The following YAE1 variants were observed in gnomAD, a reference collection of about 807,000 sequenced individuals.
The protein encoded by YAE1 is YAE1 maturation factor of ABCE1.
Under a neutral mutation model 23.0 loss-of-function variants are expected in YAE1, and 22 were observed. That is an observed-to-expected ratio of 0.96 (90% CI 0.68 to 1.37). The LOEUF (loss-of-function observed/expected upper bound fraction) is 1.37. Ranked by LOEUF, YAE1 falls within the 40% of genes most tolerant of loss-of-function variation. The pLI is 0.00. For synonymous variants in YAE1, 101 were observed against 97.0 expected (o/e 1.04, Z -0.24); for missense variants, 260 against 262.1 (o/e 0.99, Z 0.06).
In YAE1 at chr7:39,590,471, A is replaced by G. The variant is rs569682180; in HGVS notation, c.252-19146A>G. The stretch of plus-strand genomic sequence containing the variant: ...ATAAACCCACATCTGCCTGACTCCA[A>G]TGCTGTTGAGTATCACTTATCCAAA... On this transcript the variant is annotated intron_variant, in intron 2 of 2. Coordinates refer to the YAE1 transcript ENST00000432096. Among the ~76,000 whole-genome samples, 7 of 152,340 alleles carry G rather than the reference A, an allele frequency of 4.6e-5. No homozygotes were observed. The South Asian group carries it at 1.2e-3, about 27-fold the overall frequency.
intron 2 of YAE1, among the ~76,000 whole-genome samples, chr7:39,599,244 GTAA>G (rs796519684): frequency 6.7e-6 from 1 of 149,068 alleles, no homozygotes; most frequent in African/African-American, 2.6e-5. Context: ...TCTCAAAAAA[GTAA>G]TAATAATAAA....
At chr7:39,576,557 G>T (rs1310320613), downstream of YAE1, among the ~76,000 whole-genome samples, 1 of 152,128 alleles carries the variant, frequency 6.6e-6, no homozygotes, top group Non-Finnish European at 1.5e-5. Context: ...ACTCATTGCT[G>T]ACTCTTCTGC....
chr7:39,607,459 GT>G (rs35960514), intron 2 of YAE1, among the ~76,000 whole-genome samples: 14,045 of 152,176 alleles, frequency 0.092, 1,657 homozygotes, highest in African/African-American at 0.27. Context: ...GGATTTGAAA[GT>G]GAAGGAAGGA....
intron 2 of YAE1, among the ~76,000 whole-genome samples, chr7:39,594,336 T>C (rs887932651): frequency 6.6e-6 from 1 of 152,202 alleles, no homozygotes; most frequent in Non-Finnish European, 1.5e-5. Flanking sequence ...TCTTAATACA[T>C]AACCTGTATG....
downstream of YAE1, among the ~76,000 whole-genome samples, chr7:39,576,819 C>A (rs1198761739): frequency 6.6e-6 from 1 of 152,150 alleles, no homozygotes; most frequent in African/African-American, 2.4e-5. Context: ...ATCTACTAGC[C>A]AACATGGAAA....
At chr7:39,599,415 G>A (rs1489924155) in intron 2 of YAE1, among the ~76,000 whole-genome samples, 5 of 151,694 alleles carry the variant, frequency 3.3e-5, no homozygotes, top group Non-Finnish European at 7.4e-5. Context: ...TCGCTCTGTT[G>A]CCCAGGCTGG....
At chr7:39,593,746 A>C (rs750871301) in intron 2 of YAE1, among the ~76,000 whole-genome samples, 5 of 152,182 alleles carry the variant, frequency 3.3e-5, no homozygotes, top group Non-Finnish European at 5.9e-5. Flanking sequence ...GGCATGAGCC[A>C]CCGCATCCAG....
At chr7:39,566,660 C>G (rs1790473923) in intron 1 of YAE1, 113 bp downstream of exon 1, 4 of 1,442,360 alleles carry the variant, frequency 2.8e-6, no homozygotes, top group Admixed American at 4.7e-5. Context: ...CTCTTTATCC[C>G]TAGGGACCCG....
intron 2 of YAE1, among the ~76,000 whole-genome samples, chr7:39,605,521 C>T (rs987694897): frequency 2.0e-5 from 3 of 152,194 alleles, no homozygotes; most frequent in African/African-American, 7.2e-5. Flanking sequence ...ATTAATCTTT[C>T]CCTCTTCCAG....
In YAE1 at chr7:39,572,867, G is replaced by T; in HGVS notation, c.*161G>T. 7.6e-7 allele frequency: 1 copy of T among 1,313,618 alleles called. No homozygotes were observed. Among genetic ancestry groups the T allele is most frequent in the African/African-American group, 1.5e-5 (1 of 67,342 alleles). The allele number at this position is 1,313,618 out of a possible 1,614,324, so 81.4% of individuals were successfully genotyped here. On this transcript the variant is annotated 3_prime_UTR_variant, in exon 3 of 3. Transcript: ENST00000223273. ...GTCTTCAAAATTAACACTATTAAAT[G>T]TAATATAAGCCTTTTTTCTTTGTCA...
chr7:39,586,105 A>AAT (rs1364615447), intron 2 of YAE1, among the ~76,000 whole-genome samples: 2 of 152,126 alleles, frequency 1.3e-5, no homozygotes, highest in African/African-American at 2.4e-5. Context: ...ATCTCAAAGA[A>AAT]ATATATATAT....
At chr7:39,575,575 A>AGAGAGAGAGAGAGT (rs1339594299), downstream of YAE1, among the ~76,000 whole-genome samples, 43 of 81,750 alleles carry the variant, frequency 5.3e-4, no homozygotes, top group African/African-American at 2.9e-3. Flanking sequence ...AGAGAGAGAG[A>AGAGAGAGAGAGAGT]GAGTGAGTGT....
intron 1 of YAE1, chr7:39,570,101 A>T: frequency 9.6e-7 from 1 of 1,044,252 alleles, no homozygotes; most frequent in Non-Finnish European, 1.5e-6. Flanking sequence ...GTCTGTGATG[A>T]TGCGTACGTT....
chr7:39,602,596 C>T (rs753978016), intron 2 of YAE1, among the ~76,000 whole-genome samples: 1 of 152,344 alleles, frequency 6.6e-6, no homozygotes, highest in Non-Finnish European at 1.5e-5. Context: ...AGAATGACTA[C>T]AGCTGCTTCA....
intron 2 of YAE1, among the ~76,000 whole-genome samples, chr7:39,599,563 CG>C (rs1252055775): frequency 6.6e-6 from 1 of 151,668 alleles, no homozygotes; most frequent in East Asian, 1.9e-4. Flanking sequence ...TTAGTAGAGA[CG>C]GGTTGCTCTT....
chr7:39,608,229 GC>G (rs1483739775), intron 2 of YAE1, among the ~76,000 whole-genome samples: 1 of 152,202 alleles, frequency 6.6e-6, no homozygotes, highest in Non-Finnish European at 1.5e-5. Context: ...AATGCCATTT[GC>G]CTATAGTTCT....
intron 2 of YAE1, among the ~76,000 whole-genome samples, chr7:39,583,292 C>T (rs1180657648): frequency 6.6e-6 from 1 of 152,090 alleles, no homozygotes; most frequent in Non-Finnish European, 1.5e-5. Flanking sequence ...TCTGGGAGTG[C>T]CTGCTCTTAA....
At chr7:39,590,475 T>C (rs945820346) in intron 2 of YAE1, among the ~76,000 whole-genome samples, 1 of 152,218 alleles carries the variant, frequency 6.6e-6, no homozygotes, top group African/African-American at 2.4e-5. Flanking sequence ...ACTCCAATGC[T>C]GTTGAGTATC....
chr7:39,572,217 A>G, intron 2 of YAE1, 60 bp from the exon 3 acceptor site: 1 of 1,474,238 alleles, frequency 6.8e-7, no homozygotes, highest in Non-Finnish European at 9.1e-7. Flanking sequence ...TTATTGAAAG[A>G]TAGTCTTATA....
Sources: allele counts gnomAD v4.1 joint callset (sites outside exome capture counted in the v4.1 genomes callset), GRCh38; gene constraint gnomAD v4.1.1; transcripts MANE v1.5; gene names NCBI Gene and HGNC (gene_info 2026-07-23, HGNC 2026-07-21).